IFI16: variants seen among roughly 807,000 people sequenced by gnomAD.
The protein encoded by IFI16 is interferon gamma inducible protein 16, also known as gamma-interferon-inducible protein 16.
A neutral mutation model predicts 68.4 loss-of-function variants in IFI16; 49 were observed. The ratio of observed to expected loss-of-function variants is 0.72; its 90% CI spans 0.57 to 0.91. The LOEUF (loss-of-function observed/expected upper bound fraction) is 0.91. Ranked by LOEUF, IFI16 falls within the 40% of genes least tolerant of loss-of-function variation. The probability of loss-of-function intolerance (pLI) is 0.00; values close to 1 mark genes in which losing one functional copy is unlikely to be tolerated. For missense variants in IFI16, 878 were observed against 942.9 expected (o/e 0.93, Z 0.90); for synonymous variants, 307 against 315.0 (o/e 0.97, Z 0.27).
chr1:159,035,259 A>G (rs2101881570), intron 7 of IFI16, among the ~76,000 whole-genome samples: 1 of 152,250 alleles, frequency 6.6e-6, no homozygotes, highest in Admixed American at 6.5e-5. Context: ...GAAGAACAGA[A>G]CCTGTGTCTT....
chr1:159,037,510 C>T (rs1442154986), intron 7 of IFI16, among the ~76,000 whole-genome samples: 1 of 152,166 alleles, frequency 6.6e-6, no homozygotes, highest in Non-Finnish European at 1.5e-5. Context: ...CACGACTCCT[C>T]TAAAGCATAG....
chr1:159,045,285 A>G lies in IFI16; in HGVS notation c.1330-12A>G, dbSNP rs764044855. On this transcript the variant is annotated splice_polypyrimidine_tract_variant and intron_variant, in intron 7 of 11. Coordinates refer to ENST00000295809, the MANE Select transcript of IFI16 (RefSeq NM_001376587.1). ...AACTAGAAAAAAAGAACAAACATCT[A>G]TTTTCCTTTAGAAAAGTGAAGACAC... 6.6e-6 allele frequency: 8 copies of G among 1,212,770 alleles called. No individual in the cohort carries two copies. The highest frequency in any genetic ancestry group is 1.4e-5 in the South Asian group (1 of 71,950). The allele number at this position is 1,212,770 out of a possible 1,614,324, so 75.1% of individuals were successfully genotyped here.
intron 5 of IFI16, among the ~76,000 whole-genome samples, chr1:159,018,885 G>T (rs1412446443): frequency 2.0e-5 from 3 of 152,094 alleles, no homozygotes; most frequent in Non-Finnish European, 4.4e-5. Context: ...TTACAATAAT[G>T]TTCACTGAGA....
Position 159,018,502 on chromosome 1 carries a change from G to T in IFI16, c.823G>T (p.Glu275Ter). Residue 275 changes from glutamate (E) to a stop codon, truncating the protein, a stop_gained, in exon 5 of 12, where the codon GAA (glutamate) becomes TAA (stop). Coordinates refer to ENST00000295809, the MANE Select transcript of IFI16 (RefSeq NM_001376587.1). LOFTEE classifies it high-confidence loss of function. ...LEYDSLLEVN[E>*]ESTVSEAGPN... ...ATATGATAGTCTCCTAGAGGTCAATGAAGAATCTACTGTATCTGAAGCTGG... is the reference window on the plus strand; with the variant it reads ...ATATGATAGTCTCCTAGAGGTCAATTAAGAATCTACTGTATCTGAAGCTGG... The T allele has an allele frequency of 6.2e-7, 1 of 1,614,056 alleles. No homozygotes were observed. The highest frequency in any genetic ancestry group is 8.5e-7 in the Non-Finnish European group (1 of 1,179,928).
At chr1:159,005,454 C>T (rs944295095), upstream of IFI16, among the ~76,000 whole-genome samples, 3 of 152,190 alleles carry the variant, frequency 2.0e-5, no homozygotes, top group Non-Finnish European at 2.9e-5. Context: ...TTTCCATATG[C>T]ATTCACTCTC....
intron 6 of IFI16, among the ~76,000 whole-genome samples, chr1:159,022,228 T>C (rs540090435): frequency 1.3e-5 from 2 of 152,248 alleles, no homozygotes; most frequent in African/African-American, 4.8e-5. Flanking sequence ...CCTCCCAAAG[T>C]GCTGGGATTA....
chr1:159,011,639 A>C (rs1395083901), intron 1 of IFI16, among the ~76,000 whole-genome samples: 2 of 119,394 alleles, frequency 1.7e-5, no homozygotes, highest in Non-Finnish European at 3.8e-5. Flanking sequence ...TAACTAAAAC[A>C]TAATTTTCTA....
chr1:159,051,083 A>T (rs999022315), intron 9 of IFI16, among the ~76,000 whole-genome samples: 1 of 152,104 alleles, frequency 6.6e-6, no homozygotes, highest in Non-Finnish European at 1.5e-5. Flanking sequence ...CTGTCATATT[A>T]GGCAGGAGGG....
chr1:159,025,208 A>G (rs533985450), intron 6 of IFI16, among the ~76,000 whole-genome samples: 1 of 152,286 alleles, frequency 6.6e-6, no homozygotes, highest in African/African-American at 2.4e-5. Flanking sequence ...GCGCCGCCCA[A>G]GGGATGCTGT....
intron 1 of IFI16, among the ~76,000 whole-genome samples, chr1:159,011,957 A>G (rs1373049856): frequency 2.6e-5 from 4 of 152,102 alleles, no homozygotes; most frequent in Non-Finnish European, 5.9e-5. Context: ...GTGAATTGTC[A>G]TGTTCTTTTT....
At chr1:159,026,690 G>A (rs1653694200) in intron 6 of IFI16, among the ~76,000 whole-genome samples, 1 of 152,152 alleles carries the variant, frequency 6.6e-6, no homozygotes, top group African/African-American at 2.4e-5. Flanking sequence ...TCTTTCAGCA[G>A]TGTTTTTAGT....
chr1:159,042,924 G>A (rs1296789623), intron 7 of IFI16, among the ~76,000 whole-genome samples: 1 of 152,176 alleles, frequency 6.6e-6, no homozygotes, highest in Non-Finnish European at 1.5e-5. Context: ...GAAGGTATGG[G>A]CAGGGAAATA....
chr1:159,012,795 T>C (rs1246755399), intron 1 of IFI16, among the ~76,000 whole-genome samples: 3 of 152,090 alleles, frequency 2.0e-5, no homozygotes, highest in Admixed American at 6.5e-5. Flanking sequence ...GAAGGAAGGG[T>C]TGTTTACAGA....
chr1:159,019,304 C>T (rs1240644612), intron 5 of IFI16, among the ~76,000 whole-genome samples: 1 of 151,506 alleles, frequency 6.6e-6, no homozygotes, highest in Non-Finnish European at 1.5e-5. Flanking sequence ...CTGATATGTT[C>T]CTGTCCAAAT....
rs879407022 is a variant in IFI16, at chr1:159,017,458, AT to A, written c.550-761del. 1.7e-3 allele frequency among the ~76,000 whole-genome samples: 252 copies of A among 147,854 alleles called. 2 individuals carry two copies. The highest frequency in any genetic ancestry group is 6.9e-3 in the Middle Eastern group (2 of 288). The stretch of plus-strand genomic sequence containing the variant: ...TAGTTTGTGGTGGGCACCATTTTTC[AT>A]TTTTTTTTTATTTTTATTTTTTTTT... On this transcript the variant is annotated intron_variant, in intron 4 of 11. Coordinates refer to ENST00000295809, the MANE Select transcript of IFI16 (RefSeq NM_001376587.1).
intron 6 of IFI16, among the ~76,000 whole-genome samples, chr1:159,025,134 A>C (rs1653575085): frequency 6.6e-6 from 1 of 152,168 alleles, no homozygotes; most frequent in South Asian, 2.1e-4. Context: ...TAAGCATATA[A>C]TTTTTGTTGC....
chr1:159,050,505 G>A (rs535294395), intron 9 of IFI16, among the ~76,000 whole-genome samples: 1 of 152,144 alleles, frequency 6.6e-6, no homozygotes, highest in African/African-American at 2.4e-5. Context: ...ACATTGATGA[G>A]TTCATTAGAG....
At chr1:159,038,301 A>G (rs910284879) in intron 7 of IFI16, among the ~76,000 whole-genome samples, 16 of 152,222 alleles carry the variant, frequency 1.1e-4, no homozygotes, top group African/African-American at 3.9e-4. Flanking sequence ...GTTCGAAACC[A>G]TAACAAGCAG....
At chr1:159,039,242 A>C (rs1654484265) in intron 7 of IFI16, among the ~76,000 whole-genome samples, 1 of 152,166 alleles carries the variant, frequency 6.6e-6, no homozygotes, top group Non-Finnish European at 1.5e-5. Context: ...ATCTAAATTG[A>C]CACTCTTCTT....
Sources: gnomAD v4.1 joint callset for allele counts (sites outside exome capture counted in the v4.1 genomes callset) on GRCh38, gnomAD v4.1.1 for gene constraint, MANE v1.5 for transcripts, NCBI Gene and HGNC (gene_info 2026-07-23, HGNC 2026-07-21) for gene names.